Variants in MCIDAS observed in about 807,000 individuals in gnomAD.
MCIDAS encodes multicilin.
MCIDAS carries 23 observed loss-of-function variants against 35.4 expected under a neutral mutation model. The ratio of observed to expected loss-of-function variants is 0.65; its 90% CI spans 0.47 to 0.92. The LOEUF is 0.92. MCIDAS is among the 40% of genes least tolerant of loss of function. The pLI is 0.00. For missense variants in MCIDAS, 480 were observed against 531.8 expected (o/e 0.90, Z 0.96); for synonymous variants, 228 against 235.2 (o/e 0.97, Z 0.28).
chr5:55,220,553 C>G lies in MCIDAS; in HGVS notation c.971G>C (p.Arg324Pro). The change falls in exon 7 of 7, where the codon CGG becomes CCG. Residue 324 changes from arginine (R) to proline (P), a missense_variant. Arg to Pro is a moderately radical substitution (Grantham distance 103, BLOSUM62 -2). Transcript: ENST00000513312. ...TRPGNLHGAF[R>P]GLRTDCSRSA... ...CCGGCTGCAGTCTGTGCGCAGCCCCCGGAAGGCGCCATGCAGGTTCCCGGG... is the reference window on the plus strand; with the variant it reads ...CCGGCTGCAGTCTGTGCGCAGCCCCGGGAAGGCGCCATGCAGGTTCCCGGG... 1 of 1,536,046 alleles carries G rather than the reference C, an allele frequency of 6.5e-7. No homozygotes were observed. Among genetic ancestry groups the G allele is most frequent in the Non-Finnish European group, 8.7e-7 (1 of 1,146,856 alleles).
In MCIDAS at chr5:55,222,266, A is replaced by T. The variant is rs1394049835; in HGVS notation, c.516T>A (p.Pro172=). 3 of 1,535,982 alleles carry T rather than the reference A, an allele frequency of 2.0e-6. No individual in the cohort carries two copies. The highest frequency in any genetic ancestry group is 1.7e-6 in the Non-Finnish European group (2 of 1,146,884). ...PRALQSPPLR[P]PDVPPPEQYW... is the part of the protein sequence containing the mutation. Reference sequence around the variant, plus strand: ...ATTGCTCAGGCGGGGGCACGTCTGGAGGGCGCAGCGGTGGTGACTGCAGGG... The same window carrying T: ...ATTGCTCAGGCGGGGGCACGTCTGGTGGGCGCAGCGGTGGTGACTGCAGGG... The change falls in exon 5 of 7, where the codon CCT becomes CCA. Residue 172 remains proline (P), a synonymous_variant. Transcript: ENST00000513312.
In MCIDAS at chr5:55,220,483, G is replaced by A. The variant is rs1319179796; in HGVS notation, c.1041C>T (p.Ser347=). Residue 347 remains serine, a synonymous_variant, in exon 7 of 7, where the codon TCC becomes TCT. Transcript: ENST00000513312. ...LSHSELEEGG[S]FSTRIRSHST... ...TGTGGCTGCGGATGCGGGTGCTGAA[G>A]GAGCCGCCCTCCTCCAGCTCACTGT... 3.2e-5 allele frequency: 49 copies of A among 1,535,962 alleles called. 1 individual carries two copies. Among genetic ancestry groups the A allele is most frequent in the Non-Finnish European group, 4.3e-5 (49 of 1,146,912 alleles).
chr5:55,222,460 C>G (rs1325275999), intron 4 of MCIDAS, 61 bp from the exon 5 acceptor site: 4 of 1,304,178 alleles, frequency 3.1e-6, no homozygotes, highest in Non-Finnish European at 4.1e-6. Flanking sequence ...GTTACAGGAG[C>G]AAAATGCCAC....
rs1163160285 is a variant in MCIDAS, at chr5:55,219,630, A to G, written c.*736T>C. 6 of 151,282 alleles carry G rather than the reference A, an allele frequency of 4.0e-5. No homozygotes were observed. The highest frequency in any genetic ancestry group is 8.8e-5 in the Non-Finnish European group (6 of 67,884). The allele number at this position is 151,282 out of a possible 1,614,324, so 9.4% of individuals were successfully genotyped here. A position where few individuals can be genotyped will look rare whatever the true frequency, so the allele number is the denominator to read the frequency against. On this transcript the variant is annotated 3_prime_UTR_variant, in exon 7 of 7. Transcript: ENST00000513312. ...TTTCTCATTAACACTGTTTGCTTAT[A>G]GGTGGTTATTCTATTTGCACAAATA...
At chr5:55,225,522 C>G (rs1745441146) in intron 3 of MCIDAS, among the ~76,000 whole-genome samples, 1 of 152,194 alleles carries the variant, frequency 6.6e-6, no homozygotes, top group Non-Finnish European at 1.5e-5. Flanking sequence ...AGTGCAGTGC[C>G]CACTCCCAAC....
chr5:55,221,075 G>T lies in MCIDAS; in HGVS notation c.658C>A (p.Arg220=). 6.5e-7 allele frequency: 1 copy of T among 1,536,112 alleles called. No individual in the cohort carries two copies. The highest frequency in any genetic ancestry group is 8.7e-7 in the Non-Finnish European group (1 of 1,146,906). ...GCGAGTTCCTTCAGCTGCACGTTCC[G>T]CTCCTTGAGCGAGGCGATCTCCTCC... is the stretch of plus-strand genomic sequence containing the variant. The part of the protein sequence containing the change: ...KQEEIASLKE[R]NVQLKELASR... Residue 220 remains arginine (R), a synonymous_variant, in exon 6 of 7, where the codon CGG becomes AGG. Transcript: ENST00000513312.
chr5:55,223,150 T>C lies in MCIDAS; in HGVS notation c.310-127A>G. On this transcript the variant is annotated intron_variant, in intron 3 of 6. Transcript: ENST00000513312. This position sits in a 1 kb window ranked among gnomAD's most constrained non-coding sequence, Gnocchi z 4.4. ...TATATGCACGTAACACAACTGCACT[T>C]GTACCCCTAAGTCCCCCCAAATAAA... 4.1e-6 allele frequency: 3 copies of C among 738,856 alleles called. No homozygotes were observed. Among genetic ancestry groups the C allele is most frequent in the Non-Finnish European group, 6.7e-6 (3 of 446,942 alleles). The allele number at this position is 738,856 out of a possible 1,614,324, so 45.8% of individuals were successfully genotyped here.
chr5:55,225,835 G>A (rs1745445682), intron 3 of MCIDAS, among the ~76,000 whole-genome samples: 1 of 152,204 alleles, frequency 6.6e-6, no homozygotes, highest in Non-Finnish European at 1.5e-5. Flanking sequence ...AGACACCAGT[G>A]CTGGGAGACT....
chr5:55,226,673 C>CG lies in MCIDAS; in HGVS notation c.218-7dup. On this transcript the variant is annotated splice_polypyrimidine_tract_variant and splice_region_variant and intron_variant, in intron 2 of 6. Transcript: ENST00000513312. ...CAGGTCTATGGTGGTGAGGGCTGCG[C>CG]GGGGAGACCGGGAGACACGCGCCGG... The CG allele has an allele frequency of 6.7e-7, 1 of 1,493,638 alleles. No individual in the cohort carries two copies. Among genetic ancestry groups the CG allele is most frequent in the Non-Finnish European group, 8.9e-7 (1 of 1,127,846 alleles). 92.5% of individuals were successfully genotyped at this position (1,493,638 alleles called of 1,614,324 possible).
In MCIDAS at chr5:55,227,055, C is replaced by T; in HGVS notation, c.84G>A (p.Arg28=). The T allele has an allele frequency of 6.6e-7, 1 of 1,519,934 alleles. No individual in the cohort carries two copies. The highest frequency in any genetic ancestry group is 1.2e-5 in the South Asian group (1 of 83,148). The allele number at this position is 1,519,934 out of a possible 1,614,324, so 94.2% of individuals were successfully genotyped here. A position where few individuals can be genotyped will look rare whatever the true frequency, so the allele number is the denominator to read the frequency against. ...CPNRMLALPG[R]ALLCKPGKPE... is the part of the protein sequence containing the mutation. ...GCTTCCCCGGCTTGCAGAGCAGCGC[C>T]CGGCCCGGCAGTGCCAGCATTCTGT... The change falls in exon 1 of 7, where the codon CGG becomes CGA. Residue 28 remains arginine, a synonymous_variant. Coordinates refer to ENST00000513312, the MANE Select transcript of MCIDAS (RefSeq NM_001190787.3).
chr5:55,227,280 C>A lies in MCIDAS; in HGVS notation c.-142G>T, dbSNP rs1745477121. ...GGCAGGCGCGTGACCGAGAAGGAGC[C>A]GAGGGGCTGCCGAGGAGGTGCTGAG... is the stretch of plus-strand genomic sequence containing the variant. On this transcript the variant is annotated 5_prime_UTR_variant, in exon 1 of 7. Transcript: ENST00000513312. The A allele has an allele frequency of 8.7e-7, 1 of 1,153,762 alleles. No individual in the cohort carries two copies. The highest frequency in any genetic ancestry group is 1.6e-5 in the African/African-American group (1 of 61,488). The allele number at this position is 1,153,762 out of a possible 1,614,324, so 71.5% of individuals were successfully genotyped here. A position where few individuals can be genotyped will look rare whatever the true frequency, so the allele number is the denominator to read the frequency against.
At position 55,226,567 on chromosome 5, in the gene MCIDAS, G is replaced by A. The variant is rs529727203; in HGVS notation, c.309+9C>T. On this transcript the variant is annotated intron_variant, in intron 3 of 6. Coordinates refer to ENST00000513312, the MANE Select transcript of MCIDAS (RefSeq NM_001190787.3). Reference sequence around the variant, plus strand: ...TGAAACCACGAGGCTCCACGAGAAGGGGAGGTACCTGCGAGGCGGCCAGGT... The same window carrying A: ...TGAAACCACGAGGCTCCACGAGAAGAGGAGGTACCTGCGAGGCGGCCAGGT... 1.3e-6 allele frequency: 2 copies of A among 1,530,502 alleles called. No individual in the cohort carries two copies. The highest frequency in any genetic ancestry group is 2.0e-5 in the Admixed American group (1 of 50,132). 94.8% of individuals were successfully genotyped at this position (1,530,502 alleles called of 1,614,324 possible). A position where few individuals can be genotyped will look rare whatever the true frequency, so the allele number is the denominator to read the frequency against.
chr5:55,220,741 C>G lies in MCIDAS; in HGVS notation c.783G>C (p.Lys261Asn). 6.5e-7 allele frequency: 1 copy of G among 1,535,724 alleles called. No individual in the cohort carries two copies. Among genetic ancestry groups the G allele is most frequent in the Non-Finnish European group, 8.7e-7 (1 of 1,146,542 alleles). Residue 261 changes from lysine to asparagine, a missense_variant, in exon 7 of 7, where the codon AAG becomes AAC. By Grantham distance (94) the Lys-to-Asn change is moderately conservative. Transcript: ENST00000513312. ...AAAEPFLLKAKAKRSLEELVS... is the reference protein window; with the variant it reads ...AAAEPFLLKANAKRSLEELVS... ...CCAACTCCTCCAGGCTCCTTTTGGC[C>G]TTCGCCTTGAGCAGGAAGGGCTCGG...
rs1580406622 is a variant in MCIDAS, at chr5:55,227,025, C to T, written c.114G>A (p.Glu38=). 6.6e-7 allele frequency: 1 copy of T among 1,520,600 alleles called. No homozygotes were observed. The highest frequency in any genetic ancestry group is 8.8e-7 in the Non-Finnish European group (1 of 1,140,520). 94.2% of individuals were successfully genotyped at this position (1,520,600 alleles called of 1,614,324 possible). Residue 38 remains glutamate, a synonymous_variant, in exon 1 of 7, where the codon GAG becomes GAA. Transcript: ENST00000513312. ...CCCGAATCAACCGCCCCACCTTCCT[C>T]TCCGGCTTCCCCGGCTTGCAGAGCA... ...RALLCKPGKP[E]RKFAPPRKFF...
chr5:55,225,354 A>G (rs1353369779), intron 3 of MCIDAS, among the ~76,000 whole-genome samples: 1 of 152,264 alleles, frequency 6.6e-6, no homozygotes, highest in African/African-American at 2.4e-5. Flanking sequence ...TACTTAGACA[A>G]ACATCCAATG....
chr5:55,227,244 C>T lies in MCIDAS; in HGVS notation c.-106G>A, dbSNP rs574614425. On this transcript the variant is annotated 5_prime_UTR_variant, in exon 1 of 7. Transcript: ENST00000513312. ...CAGTGCCTGCAGGCTCCGAAGCCAG[C>T]CAGAGGTTGGGGCAGGCGCGTGACC... 50 of 1,337,894 alleles carry T rather than the reference C, an allele frequency of 3.7e-5. No homozygotes were observed. The highest frequency in any genetic ancestry group is 7.8e-5 in the Admixed American group (2 of 25,760). The allele number at this position is 1,337,894 out of a possible 1,614,324, so 82.9% of individuals were successfully genotyped here. A position where few individuals can be genotyped will look rare whatever the true frequency, so the allele number is the denominator to read the frequency against.
At position 55,222,206 on chromosome 5, in the gene MCIDAS, C is replaced by T. The variant is rs903733014; in HGVS notation, c.576G>A (p.Ala192=). 4 of 1,535,344 alleles carry T rather than the reference C, an allele frequency of 2.6e-6. No homozygotes were observed. Among genetic ancestry groups the T allele is most frequent in the African/African-American group, 2.7e-5 (2 of 73,026 alleles). Residue 192 remains alanine, a synonymous_variant, in exon 5 of 7, where the codon GCG becomes GCA. Transcript: ENST00000513312. ...WKEVADQNQR[A]LGDALVENNQ... ...TATTCTCAACAAGCGCGTCTCCCAA[C>T]GCTCTCTGGTTCTGGTCCGCCACCT...
chr5:55,223,055 C>G lies in MCIDAS; in HGVS notation c.310-32G>C. ...AAAACCAGAGGTGTACACTGGTTAA[C>G]GAGTCTGGCGTTAGAAAGCCTTCAA... On this transcript the variant is annotated intron_variant, in intron 3 of 6. Coordinates refer to ENST00000513312, the MANE Select transcript of MCIDAS (RefSeq NM_001190787.3). The surrounding 1 kb of genome is among the most constrained non-coding windows in gnomAD (Gnocchi z 4.4). 1 of 1,506,804 alleles carries G rather than the reference C, an allele frequency of 6.6e-7. No homozygotes were observed. The highest frequency in any genetic ancestry group is 1.2e-5 in the South Asian group (1 of 83,212). The allele number at this position is 1,506,804 out of a possible 1,614,324, so 93.3% of individuals were successfully genotyped here.
chr5:55,223,438 G>T lies in MCIDAS; in HGVS notation c.310-415C>A, dbSNP rs556330273. On this transcript the variant is annotated intron_variant, in intron 3 of 6. Coordinates refer to ENST00000513312, the MANE Select transcript of MCIDAS (RefSeq NM_001190787.3). This position sits in a 1 kb window ranked among gnomAD's most constrained non-coding sequence, Gnocchi z 4.4. ...GGCGGGAATGGGTCCTTCCACCGGC[G>T]GTGCGGCGGCCCTGCGCCGGCTCCG... Among the ~76,000 whole-genome samples, 14 of 152,224 alleles carry T rather than the reference G, an allele frequency of 9.2e-5. No individual in the cohort carries two copies. The highest frequency in any genetic ancestry group is 1.8e-4 in the Non-Finnish European group (12 of 68,036).
Sources: allele counts gnomAD v4.1 joint callset (sites outside exome capture counted in the v4.1 genomes callset), GRCh38; gene constraint gnomAD v4.1.1; non-coding constraint Gnocchi (gnomAD v3.1); transcripts MANE v1.5; gene names NCBI Gene and HGNC (gene_info 2026-07-23, HGNC 2026-07-21).